The following PLA2G10 variants were observed in gnomAD, a reference collection of about 807,000 sequenced individuals.
The protein encoded by PLA2G10 is group 10 secretory phospholipase A2.
PLA2G10 carries 9 observed loss-of-function variants against 7.9 expected under a neutral mutation model. The ratio of observed to expected loss-of-function variants is 1.14; its 90% CI spans 0.68 to 1.98. PLA2G10 has a LOEUF of 1.98. PLA2G10 is among the 30% of genes most tolerant of loss of function. PLA2G10 has a pLI of 0.00. For synonymous variants in PLA2G10, 19 were observed against 27.5 expected, an observed-to-expected ratio of 0.69 and a Z score of 0.97; for missense variants, 53 against 65.4, an observed-to-expected ratio of 0.81 and a Z score of 0.66.
intron 3 of PLA2G10, among the ~76,000 whole-genome samples, chr16:14,687,541 C>A (rs564976448): frequency 0.01 from 1,579 of 152,040 alleles, 28 homozygotes; most frequent in African/African-American, 0.035. Context: ...GCACTCCTGG[C>A]CTCAAGCGAT....
In PLA2G10 at chr16:14,688,115, A is replaced by C; in HGVS notation, c.355+50T>G. On this transcript the variant is annotated intron_variant, in intron 3 of 3. Coordinates refer to ENST00000438167, the MANE Select transcript of PLA2G10 (RefSeq NM_003561.3). ...ACGGAAGTCATCTGGCTATGCCAGG[A>C]TGCCCAGGGGATACTCGGGGTGGGT... The C allele has an allele frequency of 5.3e-6, 2 of 376,448 alleles. 1 individual carries two copies. The highest frequency in any genetic ancestry group is 9.8e-6 in the Non-Finnish European group (2 of 204,506). The allele number at this position is 376,448 out of a possible 1,614,324, so 23.3% of individuals were successfully genotyped here.
intron 3 of PLA2G10, among the ~76,000 whole-genome samples, chr16:14,687,765 G>T (rs1961132367): frequency 6.6e-6 from 1 of 151,814 alleles, no homozygotes; most frequent in Admixed American, 6.6e-5. Flanking sequence ...GGGAGGCCGA[G>T]GCGGGCAGAG....
At chr16:14,683,764 C>T (rs1246111267) in intron 3 of PLA2G10, among the ~76,000 whole-genome samples, 1 of 152,090 alleles carries the variant, frequency 6.6e-6, no homozygotes, top group East Asian at 1.9e-4. Flanking sequence ...TTGGATTTGG[C>T]AGTGGATTCT....
chr16:14,686,200 C>T (rs965604370), intron 3 of PLA2G10, among the ~76,000 whole-genome samples: 2 of 151,478 alleles, frequency 1.3e-5, no homozygotes, highest in African/African-American at 4.9e-5. Context: ...CACCATGTTG[C>T]CCAGGCTGGT....
chr16:14,680,702 G>A (rs1391725132), intron 3 of PLA2G10, among the ~76,000 whole-genome samples: 3 of 152,162 alleles, frequency 2.0e-5, no homozygotes, highest in Non-Finnish European at 2.9e-5. Context: ...AGCAGGTATA[G>A]TAATTCACCT....
At chr16:14,683,582 C>G (rs955750072) in intron 3 of PLA2G10, among the ~76,000 whole-genome samples, 3 of 152,030 alleles carry the variant, frequency 2.0e-5, no homozygotes, top group African/African-American at 4.8e-5. Flanking sequence ...GGAAGAGTCT[C>G]TTCAACCAAG....
rs139866515 is a variant in PLA2G10, at chr16:14,672,672, A to G, written c.433T>C (p.Tyr145His). The change falls in exon 4 of 4, where the codon TAC becomes CAC. Residue 145 changes from tyrosine (Y) to histidine (H), a missense_variant. Tyr to His is a moderately conservative substitution (Grantham distance 83, BLOSUM62 2). Around this residue, in one of 2 missense-constraint regions of PLA2G10, gnomAD observed 48 missense variants for 47.0 expected, o/e 1.02. Transcript: ENST00000438167. ...GGGTAGAAGAGGTACTTTAAGTTGTACTCAGTTTGGGCTAAGCAGTTAGCA... is the reference window on the plus strand; with the variant it reads ...GGGTAGAAGAGGTACTTTAAGTTGTGCTCAGTTTGGGCTAAGCAGTTAGCA... ...EIANCLAQTE[Y>H]NLKYLFYPQF... 2 of 1,613,962 alleles carry G rather than the reference A, an allele frequency of 1.2e-6. No homozygotes were observed. Among genetic ancestry groups the G allele is most frequent in the Non-Finnish European group, 8.5e-7 (1 of 1,179,926 alleles).
At chr16:14,687,077 C>T (rs1961095966) in intron 3 of PLA2G10, among the ~76,000 whole-genome samples, 1 of 151,000 alleles carries the variant, frequency 6.6e-6, no homozygotes. Flanking sequence ...CATTGCACTC[C>T]AGCCTGGGCA....
intron 3 of PLA2G10, among the ~76,000 whole-genome samples, chr16:14,687,144 C>A (rs983390420): frequency 2.0e-5 from 3 of 150,728 alleles, no homozygotes; most frequent in Admixed American, 6.6e-5. Flanking sequence ...AACAAACAAA[C>A]AAAAAAACCC....
chr16:14,675,374 A>G (rs540583366), intron 3 of PLA2G10, among the ~76,000 whole-genome samples: 1 of 152,118 alleles, frequency 6.6e-6, no homozygotes, highest in African/African-American at 2.4e-5. Context: ...AGAATTCTAG[A>G]AGAAAACCTT....
At chr16:14,683,572 G>A (rs183861503) in intron 3 of PLA2G10, among the ~76,000 whole-genome samples, 45 of 151,926 alleles carry the variant, frequency 3.0e-4, no homozygotes, top group African/African-American at 1.1e-3. Flanking sequence ...GATTCAATGG[G>A]GAAGAGTCTC....
chr16:14,688,597 T>C (rs1174567636), intron 2 of PLA2G10, among the ~76,000 whole-genome samples: 5 of 16,328 alleles, frequency 3.1e-4, no homozygotes, highest in African/African-American at 1.5e-3. Context: ...TATCTCTCTG[T>C]TGCTCAGGCT....
intron 3 of PLA2G10, among the ~76,000 whole-genome samples, chr16:14,687,583 C>A (rs1488931979): frequency 6.6e-6 from 1 of 152,138 alleles, no homozygotes; most frequent in Non-Finnish European, 1.5e-5. Context: ...CAGCCTCTTT[C>A]TGATAAACAT....
intron 3 of PLA2G10, among the ~76,000 whole-genome samples, chr16:14,681,873 A>G (rs1014122541): frequency 2.0e-5 from 3 of 151,684 alleles, no homozygotes; most frequent in Admixed American, 6.6e-5. Flanking sequence ...AGGCAAGTTG[A>G]AGGGAGAAAG....
intron 3 of PLA2G10, among the ~76,000 whole-genome samples, chr16:14,676,761 A>G (rs1404639248): frequency 1.3e-5 from 2 of 152,230 alleles, no homozygotes; most frequent in African/African-American, 2.4e-5. Context: ...TGTTTTCTGC[A>G]GCAACTTGGA....
chr16:14,677,799 T>C (rs143149337), intron 3 of PLA2G10, among the ~76,000 whole-genome samples: 250 of 149,548 alleles, frequency 1.7e-3, no homozygotes, highest in African/African-American at 5.9e-3. Flanking sequence ...GGATGGAAGA[T>C]GGGTGGATGG....
intron 3 of PLA2G10, among the ~76,000 whole-genome samples, chr16:14,673,485 C>T (rs1195265077): frequency 1.3e-5 from 2 of 152,098 alleles, no homozygotes; most frequent in African/African-American, 4.8e-5. Context: ...CATTCTCCCA[C>T]CTCAGCCTCC....
chr16:14,674,283 T>C (rs185035587), intron 3 of PLA2G10, among the ~76,000 whole-genome samples: 1 of 152,278 alleles, frequency 6.6e-6, no homozygotes, highest in East Asian at 1.9e-4. Context: ...ATTGGAAGAA[T>C]CAATGTAATG....
At chr16:14,683,983 C>T (rs1960972020) in intron 3 of PLA2G10, among the ~76,000 whole-genome samples, 1 of 152,122 alleles carries the variant, frequency 6.6e-6, no homozygotes, top group African/African-American at 2.4e-5. Context: ...TGCCTGCAAT[C>T]CCAGCACTTT....
Sources: allele counts gnomAD v4.1 joint callset (sites outside exome capture counted in the v4.1 genomes callset), GRCh38; gene constraint gnomAD v4.1.1; regional missense constraint gnomAD v4.1.1; transcripts MANE v1.5; gene names NCBI Gene and HGNC (gene_info 2026-07-23, HGNC 2026-07-21).